Variants in KCNQ1 observed in about 807,000 individuals in gnomAD.
KCNQ1 encodes the protein potassium voltage-gated channel subfamily KQT member 1.
In KCNQ1, 49 loss-of-function variants were observed where a neutral mutation model predicts 72.4. The observed-to-expected ratio is 0.68, with a 90% CI of 0.54 to 0.86. The LOEUF (loss-of-function observed/expected upper bound fraction) is 0.86. Ranked by LOEUF, KCNQ1 falls within the 40% of genes least tolerant of loss-of-function variation. KCNQ1 has a pLI of 0.00. For missense variants in KCNQ1, 790 were observed against 945.1 expected (o/e 0.84, Z 2.15); for synonymous variants, 450 against 412.6 (o/e 1.09, Z -1.10).
chr11:2,678,522 C>CTGATGGGCCTGT lies in KCNQ1; in HGVS notation c.1514+16446_1514+16457dup, dbSNP rs1235013032. ...CATTTCTAGACTCTATTCTGGACTGCTGATGGGCCTGTTGATAGGCCAGAG... is the reference window on the plus strand; with the variant it reads ...CATTTCTAGACTCTATTCTGGACTGCTGATGGGCCTGTTGATGGGCCTGTTGATAGGCCAGAG... On this transcript the variant is annotated intron_variant, in intron 11 of 15. Coordinates refer to ENST00000155840, the MANE Select transcript of KCNQ1 (RefSeq NM_000218.3). The surrounding 1 kb of genome is among the most constrained non-coding windows in gnomAD (Gnocchi z 4.9). 6 of 398,444 alleles carry CTGATGGGCCTGT rather than the reference C, an allele frequency of 1.5e-5. No homozygotes were observed. Among genetic ancestry groups the CTGATGGGCCTGT allele is most frequent in the Admixed American group, 4.4e-5 (1 of 22,706 alleles). 24.7% of individuals were successfully genotyped at this position (398,444 alleles called of 1,614,324 possible).
chr11:2,681,963 C>G (rs541710293), intron 11 of KCNQ1: 1 of 398,610 alleles, frequency 2.5e-6, no homozygotes, highest in Admixed American at 4.4e-5. Context: ...CTTACACTTC[C>G]TGTTTGCCAG....
intron 11 of KCNQ1, among the ~76,000 whole-genome samples, chr11:2,733,851 C>CACTCTT (rs762297859): frequency 0.038 from 2,664 of 70,572 alleles, 149 homozygotes; most frequent in Middle Eastern, 0.1. Flanking sequence ...CTCTCTCTCT[C>CACTCTT]TCTCTCCCCC....
intron 10 of KCNQ1, chr11:2,630,927 T>G: frequency 2.5e-6 from 1 of 398,506 alleles, no homozygotes; most frequent in Non-Finnish European, 4.4e-6. Context: ...GCCTGGAAAG[T>G]TTTTGCTCAG....
At chr11:2,775,197 G>T (rs545573578) in intron 12 of KCNQ1, among the ~76,000 whole-genome samples, 18 of 152,380 alleles carry the variant, frequency 1.2e-4, no homozygotes, top group Admixed American at 2.6e-4. Flanking sequence ...GCCCTTGGGA[G>T]CAAGGCCACA....
At chr11:2,726,347 A>G (rs1323930100) in intron 11 of KCNQ1, among the ~76,000 whole-genome samples, 9 of 152,254 alleles carry the variant, frequency 5.9e-5, no homozygotes, top group Non-Finnish European at 1.3e-4. Context: ...GGGGAACTGC[A>G]GCATCCTCAG....
In KCNQ1 at chr11:2,645,138, A is replaced by G. The variant is rs1849647301; in HGVS notation, c.1394-16823A>G. 5.0e-6 allele frequency: 2 copies of G among 398,684 alleles called. No homozygotes were observed. Among genetic ancestry groups the G allele is most frequent in the Non-Finnish European group, 8.8e-6 (2 of 226,112 alleles). The allele number at this position is 398,684 out of a possible 1,614,324, so 24.7% of individuals were successfully genotyped here. On this transcript the variant is annotated intron_variant, in intron 10 of 15. Coordinates refer to ENST00000155840, the MANE Select transcript of KCNQ1 (RefSeq NM_000218.3). This position sits in a 1 kb window ranked among gnomAD's most constrained non-coding sequence, Gnocchi z 5.8. ...CTTGGGCAATGGCAGTAGCAGTGGCAGAACAATCTTCTGCCTCCCAAGGTG... is the reference window on the plus strand; with the variant it reads ...CTTGGGCAATGGCAGTAGCAGTGGCGGAACAATCTTCTGCCTCCCAAGGTG...
intron 11 of KCNQ1, chr11:2,667,383 A>G (rs959299832): frequency 2.3e-5 from 9 of 398,674 alleles, no homozygotes; most frequent in African/African-American, 8.2e-5. Context: ...ACCCTGCCCC[A>G]GTGCACTCTG....
Position 2,602,017 on chromosome 11 carries a change from G to A in KCNQ1, c.1393+13163G>A, listed in dbSNP as rs1848815835. On this transcript the variant is annotated intron_variant, in intron 10 of 15. Transcript: ENST00000155840. This position sits in a 1 kb window ranked among gnomAD's most constrained non-coding sequence, Gnocchi z 4.8. ...CCTGGGTTATCTGAATGGGCCCGGT[G>A]TAATCACAAGGGTCCTTATAACAGG... Among the ~76,000 whole-genome samples the A allele has an allele frequency of 6.6e-6, 1 of 152,216 alleles. No homozygotes were observed. Among genetic ancestry groups the A allele is most frequent in the Non-Finnish European group, 1.5e-5 (1 of 68,042 alleles).
Position 2,627,346 on chromosome 11 carries a change from A to C in KCNQ1, c.1394-34615A>C. 1 of 398,524 alleles carries C rather than the reference A, an allele frequency of 2.5e-6. No homozygotes were observed. 24.7% of individuals were successfully genotyped at this position (398,524 alleles called of 1,614,324 possible). ...CAGAATACCTAAGCTATACTCTCTT[A>C]GCAAATTCCAAGTATAGAATATATT... On this transcript the variant is annotated intron_variant, in intron 10 of 15. Transcript: ENST00000155840. This position sits in a 1 kb window ranked among gnomAD's most constrained non-coding sequence, Gnocchi z 4.9.
chr11:2,592,290 A>G lies in KCNQ1; in HGVS notation c.1393+3436A>G, dbSNP rs1848680838. Among the ~76,000 whole-genome samples the G allele has an allele frequency of 6.6e-6, 1 of 152,204 alleles. No individual in the cohort carries two copies. The highest frequency in any genetic ancestry group is 6.5e-5 in the Admixed American group (1 of 15,286). On this transcript the variant is annotated intron_variant, in intron 10 of 15. Transcript: ENST00000155840. The surrounding 1 kb of genome is among the most constrained non-coding windows in gnomAD (Gnocchi z 5.2). ...ACCTGTGTGTCCTGACACCTCACTG[A>G]GCCTGTCGAGAGGCACAGGCAGGTA... is the stretch of plus-strand genomic sequence containing the variant.
At position 2,468,164 on chromosome 11, in the gene KCNQ1, G is replaced by A. The variant is rs1441216584; in HGVS notation, c.386+22680G>A. On this transcript the variant is annotated intron_variant, in intron 1 of 15. Transcript: ENST00000155840. This position sits in a 1 kb window ranked among gnomAD's most constrained non-coding sequence, Gnocchi z 5.7. ...CCCAGAAGTTTATTTTTTATTTTTC[G>A]AGACAGGGTCTCCCTCTGTCACTTA... 1.3e-5 allele frequency among the ~76,000 whole-genome samples: 2 copies of A among 152,106 alleles called. No individual in the cohort carries two copies. Among genetic ancestry groups the A allele is most frequent in the East Asian group, 1.9e-4 (1 of 5,200 alleles).
At chr11:2,632,182 C>CAAAAAAAAAAAAAAA (rs34998500) in intron 10 of KCNQ1, 2 of 258,768 alleles carry the variant, frequency 7.7e-6, no homozygotes, top group African/African-American at 3.4e-5. Flanking sequence ...GACTCTGCCT[C>CAAAAAAAAAAAAAAA]AAAAAAAAAA....
intron 10 of KCNQ1, chr11:2,610,050 A>G (rs149277051): frequency 1.1e-3 from 431 of 397,786 alleles, no homozygotes; most frequent in African/African-American, 7.9e-3. Flanking sequence ...CCACAGTTTT[A>G]CTTTTGGTCT....
At position 2,777,993 on chromosome 11, in the gene KCNQ1, G is replaced by A. The variant is rs199472811; in HGVS notation, c.1750G>A (p.Gly584Ser). ...ISVSEKSKDR[G>S]SNTIGARLNR... ...CCCCATAGAAAAGAGCAAGGATCGC[G>A]GCAGCAACACGATCGGCGCCCGCCT... Residue 584 changes from glycine (G) to serine (S), a missense_variant, in exon 15 of 16, where the codon GGC (glycine) becomes AGC (serine). Coordinates refer to ENST00000155840, the MANE Select transcript of KCNQ1 (RefSeq NM_000218.3). 1.6e-5 allele frequency: 26 copies of A among 1,613,814 alleles called. No homozygotes were observed. In the Admixed American group the frequency reaches 1.7e-4, roughly 10 times the overall value.
intron 15 of KCNQ1, among the ~76,000 whole-genome samples, chr11:2,829,663 A>G (rs997743647): frequency 6.6e-6 from 1 of 152,096 alleles, no homozygotes; most frequent in Admixed American, 6.6e-5. Context: ...CTTCTCTTCC[A>G]TGTTAGGCAG....
chr11:2,459,474 G>A (rs1405101796), intron 1 of KCNQ1, among the ~76,000 whole-genome samples: 1 of 152,174 alleles, frequency 6.6e-6, no homozygotes, highest in Non-Finnish European at 1.5e-5. Flanking sequence ...AGCTGTGCGG[G>A]TCTGAGACAG....
intron 15 of KCNQ1, among the ~76,000 whole-genome samples, chr11:2,795,535 A>T (rs1347090261): frequency 1.3e-5 from 2 of 152,056 alleles, no homozygotes; most frequent in African/African-American, 4.8e-5. Context: ...GCTTCCCCCA[A>T]CCCAGCCTGG....
intron 1 of KCNQ1, among the ~76,000 whole-genome samples, chr11:2,476,876 C>G (rs1488293122): frequency 6.6e-6 from 1 of 152,070 alleles, no homozygotes; most frequent in Non-Finnish European, 1.5e-5. Context: ...TTAGTAGAGA[C>G]AAAGGTTTCA....
chr11:2,626,991 G>A lies in KCNQ1; in HGVS notation c.1394-34970G>A, dbSNP rs1849272159. The stretch of plus-strand genomic sequence containing the variant: ...TTAGGATTTTTATTGGGATTACCTT[G>A]GATTTGTAGATTGTTTTGTGTGGTA... On this transcript the variant is annotated intron_variant, in intron 10 of 15. Coordinates refer to ENST00000155840, the MANE Select transcript of KCNQ1 (RefSeq NM_000218.3). This position sits in a 1 kb window ranked among gnomAD's most constrained non-coding sequence, Gnocchi z 4.0. 1 of 398,516 alleles carries A rather than the reference G, an allele frequency of 2.5e-6. No homozygotes were observed. Among genetic ancestry groups the A allele is most frequent in the Non-Finnish European group, 4.4e-6 (1 of 226,032 alleles). The allele number at this position is 398,516 out of a possible 1,614,324, so 24.7% of individuals were successfully genotyped here.
Sources: allele counts gnomAD v4.1 joint callset (sites outside exome capture counted in the v4.1 genomes callset), GRCh38; gene constraint gnomAD v4.1.1; non-coding constraint Gnocchi (gnomAD v3.1); transcripts MANE v1.5; gene names NCBI Gene and HGNC (gene_info 2026-07-23, HGNC 2026-07-21).